Variants in EDRF1 observed in about 807,000 individuals in gnomAD.
EDRF1 encodes erythroid differentiation-related factor 1.
A neutral mutation model predicts 148.7 loss-of-function variants in EDRF1; 69 were observed. The ratio of observed to expected loss-of-function variants is 0.46; its 90% CI spans 0.38 to 0.57. The LOEUF is 0.57. Ranked by LOEUF, EDRF1 falls within the 20% of genes least tolerant of loss-of-function variation. EDRF1 has a pLI of 0.00. For missense variants in EDRF1, 1,118 were observed against 1,478.7 expected, an observed-to-expected ratio of 0.76 and a Z score of 4.00; for synonymous variants, 515 against 532.8, an observed-to-expected ratio of 0.97 and a Z score of 0.46.
chr10:125,733,019 A>G (rs1848546728), intron 9 of EDRF1, among the ~76,000 whole-genome samples: 1 of 152,178 alleles, frequency 6.6e-6, no homozygotes, highest in Non-Finnish European at 1.5e-5. Context: ...CCAGAAATAC[A>G]TGTGTTTTAA....
chr10:125,759,901 G>A (rs1257637646), intron 24 of EDRF1, among the ~76,000 whole-genome samples: 1 of 152,016 alleles, frequency 6.6e-6, no homozygotes, highest in African/African-American at 2.4e-5. Flanking sequence ...TAGTAGAGAC[G>A]GGGTTTCACC....
intron 9 of EDRF1, chr10:125,731,919 A>C (rs1384849085): frequency 2.2e-6 from 1 of 451,686 alleles, no homozygotes; most frequent in Non-Finnish European, 4.5e-6. Flanking sequence ...AGGATCAAGG[A>C]GCTCAAGTGA....
At position 125,752,810 on chromosome 10, in the gene EDRF1, A is replaced by T. The variant is rs1331488790; in HGVS notation, c.3289A>T (p.Asn1097Tyr). ...ATTTAAAACTTTAGGTCAGAATAGC[A>T]ATGTTGGAAAGTTGAAAACACTATC... ...AEFQMTSQNS[N>Y]VGKLKTLSGA... The change falls in exon 23 of 25, where the codon AAT becomes TAT. Residue 1097 changes from asparagine to tyrosine, a missense_variant. Coordinates refer to ENST00000356792, the MANE Select transcript of EDRF1 (RefSeq NM_001202438.2). 1.2e-6 allele frequency: 2 copies of T among 1,611,516 alleles called. No homozygotes were observed. Among genetic ancestry groups the T allele is most frequent in the African/African-American group, 1.3e-5 (1 of 75,012 alleles).
intron 24 of EDRF1, among the ~76,000 whole-genome samples, chr10:125,757,843 A>T (rs1265065300): frequency 6.6e-6 from 1 of 152,092 alleles, no homozygotes; most frequent in African/African-American, 2.4e-5. Flanking sequence ...CCTTGCCTGT[A>T]GGCGCCTCAC....
At chr10:125,720,608 C>G (rs962863073) in intron 1 of EDRF1, among the ~76,000 whole-genome samples, 2 of 152,008 alleles carry the variant, frequency 1.3e-5, no homozygotes, top group African/African-American at 2.4e-5. Context: ...TCGGGGAGTT[C>G]GAGACCAGCC....
chr10:125,729,116 A>T lies in EDRF1; in HGVS notation c.894+12A>T. The T allele has an allele frequency of 6.4e-7, 1 of 1,553,016 alleles. No homozygotes were observed. The highest frequency in any genetic ancestry group is 8.7e-7 in the Non-Finnish European group (1 of 1,155,230). On this transcript the variant is annotated intron_variant, in intron 7 of 24. Coordinates refer to ENST00000356792, the MANE Select transcript of EDRF1 (RefSeq NM_001202438.2). The stretch of plus-strand genomic sequence containing the variant: ...GGGAGCACAGTCAGGTATGCTTTCC[A>T]TGGTGTCCAAGGTGACAGCAAATCC...
In EDRF1 at chr10:125,737,116, G is replaced by T. The variant is rs528234998; in HGVS notation, c.1759-802G>T. Among the ~76,000 whole-genome samples the T allele has an allele frequency of 3.9e-5, 6 of 152,216 alleles. No homozygotes were observed. In the South Asian group the frequency reaches 1.0e-3, roughly 26 times the overall value. On this transcript the variant is annotated intron_variant, in intron 13 of 24. Coordinates refer to ENST00000356792, the MANE Select transcript of EDRF1 (RefSeq NM_001202438.2). Reference sequence around the variant, plus strand: ...AACTTCCACAGTGGAGTGAAAAAATGTTCTGGTTATAATCATTGATTGCAA... The same window carrying T: ...AACTTCCACAGTGGAGTGAAAAAATTTTCTGGTTATAATCATTGATTGCAA...
chr10:125,721,348 G>A lies in EDRF1; in HGVS notation c.253G>A (p.Ala85Thr), dbSNP rs1186880645. 1.2e-6 allele frequency: 2 copies of A among 1,614,168 alleles called. No individual in the cohort carries two copies. The highest frequency in any genetic ancestry group is 4.5e-5 in the East Asian group (2 of 44,884). Residue 85 changes from alanine to threonine, a missense_variant, in exon 2 of 25, where the codon GCC (alanine) becomes ACC (threonine). Ala to Thr is a moderately conservative substitution (Grantham distance 58, BLOSUM62 0). Coordinates refer to ENST00000356792, the MANE Select transcript of EDRF1 (RefSeq NM_001202438.2). ...LPPANWLRES[A>T]KLGPAGTTIL... is the part of the protein sequence containing the mutation. ...ACCTGCCAACTGGTTACGAGAGAGT[G>A]CCAAACTAGGGCCAGCAGGAACTAC...
rs1475860030 is a variant in EDRF1 at position 125,761,190 on chromosome 10, T to C, written c.3546-2111T>C. On this transcript the variant is annotated intron_variant, in intron 24 of 24. Coordinates refer to ENST00000356792, the MANE Select transcript of EDRF1 (RefSeq NM_001202438.2). ...TATAGAATTAGAGTGAAAGATGCAT[T>C]TTACTTGTTTAAAAAAAATTTTTGT... is the stretch of plus-strand genomic sequence containing the variant. 1.6e-5 allele frequency: 6 copies of C among 383,462 alleles called. No homozygotes were observed. In the East Asian group the frequency reaches 4.3e-4, roughly 27 times the overall value. The allele number at this position is 383,462 out of a possible 1,614,324, so 23.8% of individuals were successfully genotyped here.
intron 13 of EDRF1, among the ~76,000 whole-genome samples, 200 bp downstream of exon 13, chr10:125,736,104 G>T (rs939080217): frequency 2.6e-5 from 4 of 152,098 alleles, no homozygotes; most frequent in African/African-American, 9.7e-5. Flanking sequence ...AGCCTATAGT[G>T]GACAGGTGTG....
intron 13 of EDRF1, 55 bp from the exon 14 acceptor site, chr10:125,737,863 A>T: frequency 1.3e-6 from 2 of 1,516,510 alleles, no homozygotes; most frequent in South Asian, 2.2e-5. Flanking sequence ...CAAAAACAAT[A>T]TGTTGACCTT....
rs1160435632 is a variant in EDRF1, at chr10:125,753,698, A to C, written c.3398A>C (p.Lys1133Thr). 6.2e-7 allele frequency: 1 copy of C among 1,613,984 alleles called. No homozygotes were observed. The highest frequency in any genetic ancestry group is 1.3e-5 in the African/African-American group (1 of 74,884). ...KELIEEFGQP[K>T]SGDAAAAADA... ...ATAACTTTTTGTTGTTTTTAGCCTAAGAGTGGTGACGCCGCTGCAGCTGCT... is the reference window on the plus strand; with the variant it reads ...ATAACTTTTTGTTGTTTTTAGCCTACGAGTGGTGACGCCGCTGCAGCTGCT... The change falls in exon 24 of 25, where the codon AAG becomes ACG. Residue 1133 changes from lysine (K) to threonine (T), a missense_variant. By Grantham distance (78) the Lys-to-Thr change is moderately conservative (BLOSUM62 -1). This residue lies in a region of EDRF1 where 954 missense variants were observed against 1,241.4 expected (regional missense o/e 0.77). Transcript: ENST00000356792.
chr10:125,745,603 C>G (rs992115039), intron 18 of EDRF1, 104 bp from the exon 19 acceptor site: 2 of 1,225,790 alleles, frequency 1.6e-6, no homozygotes, highest in Middle Eastern at 2.1e-4. Context: ...GGCTCGCCAC[C>G]ACACTCCTGT....
intron 18 of EDRF1, among the ~76,000 whole-genome samples, chr10:125,743,717 T>G (rs779340931): frequency 6.6e-6 from 1 of 152,042 alleles, no homozygotes; most frequent in Non-Finnish European, 1.5e-5. Context: ...TGGGAAAGTG[T>G]TGTTGAGCAG....
At chr10:125,730,265 A>C (rs1465213063) in intron 8 of EDRF1, 23 bp from the exon 9 acceptor site, 1 of 1,543,680 alleles carries the variant, frequency 6.5e-7, no homozygotes. Flanking sequence ...AAACCAAATA[A>C]CACTAGAAAT....
At chr10:125,749,645 A>C in intron 22 of EDRF1, 80 bp downstream of exon 22, 1 of 1,505,820 alleles carries the variant, frequency 6.6e-7, no homozygotes, top group Non-Finnish European at 9.2e-7. Context: ...AGGCCTGTGA[A>C]TCTAAATAAT....
intron 24 of EDRF1, among the ~76,000 whole-genome samples, chr10:125,760,221 T>C (rs1158902041): frequency 1.3e-5 from 2 of 152,232 alleles, no homozygotes; most frequent in African/African-American, 2.4e-5. Context: ...TGTATTGGTT[T>C]CCACAAGATG....
chr10:125,752,713 A>G (rs1324224887), intron 22 of EDRF1, 86 bp from the exon 23 acceptor site: 1 of 873,790 alleles, frequency 1.1e-6, no homozygotes. Context: ...GCATTTTGAA[A>G]GTCTGAATTT....
rs773194506 is a variant in EDRF1, at chr10:125,723,144, AT to A, written c.384+13del. 2.6e-5 allele frequency: 42 copies of A among 1,612,350 alleles called. No homozygotes were observed. In the African/African-American group the frequency reaches 5.3e-4, roughly 20 times the overall value. The stretch of plus-strand genomic sequence containing the variant: ...TGTCTCTGACTCTGAAGTAAGTGTT[AT>A]TTGTCGCTTAATGTAATTTTGGAGG... On this transcript the variant is annotated intron_variant, in intron 3 of 24. Coordinates refer to ENST00000356792, the MANE Select transcript of EDRF1 (RefSeq NM_001202438.2).
Sources: allele counts gnomAD v4.1 joint callset (sites outside exome capture counted in the v4.1 genomes callset), GRCh38; gene constraint gnomAD v4.1.1; regional missense constraint gnomAD v4.1.1; transcripts MANE v1.5; gene names NCBI Gene and HGNC (gene_info 2026-07-23, HGNC 2026-07-21).